DENND1A: variants seen among roughly 807,000 people sequenced by gnomAD.
DENND1A encodes the protein DENN domain containing 1A, also known as DENN domain-containing protein 1A.
Under a neutral mutation model 113.7 loss-of-function variants are expected in DENND1A, and 51 were observed. The ratio of observed to expected loss-of-function variants is 0.45; its 90% CI spans 0.36 to 0.57. The LOEUF (loss-of-function observed/expected upper bound fraction) is 0.57. Among genes scored for constraint, DENND1A ranks in the 20% least tolerant of loss-of-function variants. DENND1A has a pLI of 0.00. For synonymous variants in DENND1A, 565 were observed against 570.8 expected, an observed-to-expected ratio of 0.99 and a Z score of 0.14; for missense variants, 1,258 against 1,395.9, an observed-to-expected ratio of 0.90 and a Z score of 1.57.
At chr9:123,398,984 C>G (rs1297227122) in intron 21 of DENND1A, among the ~76,000 whole-genome samples, 1 of 151,496 alleles carries the variant, frequency 6.6e-6, no homozygotes, top group Non-Finnish European at 1.5e-5. Context: ...TTAGTAGAGA[C>G]GGGGTTTCGC....
Position 123,383,717 on chromosome 9 carries a change from T to C in DENND1A, c.1957A>G (p.Ser653Gly), listed in dbSNP as rs774855206. 5.0e-6 allele frequency: 8 copies of C among 1,614,052 alleles called. No homozygotes were observed. Among genetic ancestry groups the C allele is most frequent in the Non-Finnish European group, 6.8e-6 (8 of 1,180,010 alleles). ...AALQPLGQAKSLEDLRAPKDL... is the reference protein window; with the variant it reads ...AALQPLGQAKGLEDLRAPKDL... ...TTGGGGGCACGAAGGTCCTCTAAGC[T>C]CTTGGCCTGGCCCAGTGGCTGCAGT... The change falls in exon 23 of 24, where the codon AGC becomes GGC. Residue 653 changes from serine (S) to glycine (G), a missense_variant. Ser to Gly is a moderately conservative substitution (Grantham distance 56). Coordinates refer to ENST00000394215, the MANE Select transcript of DENND1A (RefSeq NM_001352964.2).
At chr9:123,441,367 C>T (rs1283084236) in intron 18 of DENND1A, among the ~76,000 whole-genome samples, 1 of 152,120 alleles carries the variant, frequency 6.6e-6, no homozygotes, top group East Asian at 1.9e-4. Flanking sequence ...GTGTTTGTTC[C>T]TACCCCTTCT....
chr9:123,627,929 G>C (rs2061313621), intron 10 of DENND1A, among the ~76,000 whole-genome samples: 1 of 152,076 alleles, frequency 6.6e-6, no homozygotes, highest in South Asian at 2.1e-4. Flanking sequence ...AAGTGCATTA[G>C]CACATACGTT....
chr9:123,896,333 A>AC (rs1051967290), intron 1 of DENND1A, among the ~76,000 whole-genome samples: 11 of 151,312 alleles, frequency 7.3e-5, no homozygotes, highest in African/African-American at 1.7e-4. Flanking sequence ...AAACAAACAA[A>AC]AAAAAAAAAC....
intron 19 of DENND1A, among the ~76,000 whole-genome samples, chr9:123,434,078 G>T (rs1298151035): frequency 6.6e-6 from 1 of 152,200 alleles, no homozygotes; most frequent in Admixed American, 6.5e-5. Context: ...CCAGGCTGGC[G>T]TGCGGTGGCA....
intron 10 of DENND1A, among the ~76,000 whole-genome samples, chr9:123,628,000 G>C (rs892375793): frequency 6.6e-6 from 1 of 152,064 alleles, no homozygotes; most frequent in Middle Eastern, 3.2e-3. Context: ...GCCCTCAACA[G>C]AGAAGAGATT....
At chr9:123,490,686 C>T (rs926986141) in intron 13 of DENND1A, among the ~76,000 whole-genome samples, 3 of 149,350 alleles carry the variant, frequency 2.0e-5, no homozygotes, top group African/African-American at 7.5e-5. Context: ...AAAAAAAAAA[C>T]AAGGTAAATT....
At chr9:123,597,888 A>AGAC (rs1213957732) in intron 11 of DENND1A, among the ~76,000 whole-genome samples, 1 of 152,212 alleles carries the variant, frequency 6.6e-6, no homozygotes, top group Non-Finnish European at 1.5e-5. Flanking sequence ...GTTTTCATAA[A>AGAC]GACGACCCCA....
chr9:123,431,711 T>C lies in DENND1A; in HGVS notation c.1488+8649A>G, dbSNP rs192382444. ...GCTAACCTACTGGAATGGCCTAGCATGCTCCCTGGAGCTGGAACAGAGACC... is the reference window on the plus strand; with the variant it reads ...GCTAACCTACTGGAATGGCCTAGCACGCTCCCTGGAGCTGGAACAGAGACC... On this transcript the variant is annotated intron_variant, in intron 19 of 23. Transcript: ENST00000394215. Among the ~76,000 whole-genome samples, 300 of 152,316 alleles carry C rather than the reference T, an allele frequency of 2.0e-3. 1 individual carries two copies. The highest frequency in any genetic ancestry group is 6.8e-3 in the African/African-American group (281 of 41,572).
intron 18 of DENND1A, among the ~76,000 whole-genome samples, chr9:123,441,641 G>C (rs1205177515): frequency 1.3e-5 from 2 of 152,302 alleles, no homozygotes; most frequent in Admixed American, 1.3e-4. Context: ...CATGCAATAA[G>C]GGTCCCGTGT....
intron 8 of DENND1A, 134 bp from the exon 9 acceptor site, chr9:123,652,257 C>T: frequency 1.3e-6 from 1 of 746,968 alleles, no homozygotes; most frequent in South Asian, 2.0e-5. Context: ...TTCTTTCTAC[C>T]TGGGAGGCCA....
intron 19 of DENND1A, among the ~76,000 whole-genome samples, chr9:123,431,351 G>C (rs1278093276): frequency 6.6e-6 from 1 of 152,150 alleles, no homozygotes; most frequent in Admixed American, 6.5e-5. Context: ...CAGCTTACTT[G>C]TCTTGGTTCC....
At chr9:123,504,684 T>C (rs1343360150) in intron 13 of DENND1A, among the ~76,000 whole-genome samples, 1 of 152,160 alleles carries the variant, frequency 6.6e-6, no homozygotes, top group Non-Finnish European at 1.5e-5. Context: ...GCTGTCATTT[T>C]AAAGACGAAG....
intron 19 of DENND1A, among the ~76,000 whole-genome samples, chr9:123,415,021 C>G (rs150109920): frequency 6.6e-6 from 1 of 152,134 alleles, no homozygotes; most frequent in African/African-American, 2.4e-5. Flanking sequence ...TGCTTGTCCT[C>G]GGGAAGTGCT....
chr9:123,818,561 C>T lies in DENND1A; in HGVS notation c.89-25931G>A, dbSNP rs368365374. ...ACACACACACACACACACACACACA[C>T]ACACACATATATATATATATATAAA... On this transcript the variant is annotated intron_variant, in intron 2 of 23. Transcript: ENST00000394215. 3.3e-3 allele frequency among the ~76,000 whole-genome samples: 390 copies of T among 116,518 alleles called. 3 individuals are homozygous for T. The highest frequency in any genetic ancestry group is 0.01 in the African/African-American group (346 of 33,444). The allele number at this position is 116,518 out of a possible 152,430, so 76.4% of individuals were successfully genotyped here. A position where few individuals can be genotyped will look rare whatever the true frequency, so the allele number is the denominator to read the frequency against.
chr9:123,626,635 A>G (rs1168643260), intron 10 of DENND1A, among the ~76,000 whole-genome samples: 1 of 152,082 alleles, frequency 6.6e-6, no homozygotes, highest in African/African-American at 2.4e-5. Flanking sequence ...TTGAACAACA[A>G]CAAACACTAC....
chr9:123,446,619 GTT>G (rs969575521), intron 18 of DENND1A, among the ~76,000 whole-genome samples: 4 of 152,112 alleles, frequency 2.6e-5, no homozygotes, highest in African/African-American at 9.7e-5. Flanking sequence ...GAGCCCAGGA[GTT>G]TGAGACCAGT....
chr9:123,507,957 G>C (rs1194604181), intron 13 of DENND1A, among the ~76,000 whole-genome samples: 2 of 152,082 alleles, frequency 1.3e-5, no homozygotes, highest in African/African-American at 4.8e-5. Context: ...AAAATGCATT[G>C]ACTCAGAAAA....
At chr9:123,414,549 T>C (rs929472480) in intron 19 of DENND1A, 5 of 1,550,224 alleles carry the variant, frequency 3.2e-6, no homozygotes, top group Non-Finnish European at 4.4e-6. Flanking sequence ...ATCTGAGAAA[T>C]GCTGTCTTCT....
Sources: gnomAD v4.1 joint callset for allele counts (sites outside exome capture counted in the v4.1 genomes callset) on GRCh38, gnomAD v4.1.1 for gene constraint, MANE v1.5 for transcripts, NCBI Gene and HGNC (gene_info 2026-07-23, HGNC 2026-07-21) for gene names.